Variants in ESRRG observed in about 807,000 individuals in gnomAD.
The protein encoded by ESRRG is estrogen-related receptor gamma.
Under a neutral mutation model 44.0 loss-of-function variants are expected in ESRRG, and 13 were observed. That is an observed-to-expected ratio of 0.30 (90% CI 0.19 to 0.47). The LOEUF (loss-of-function observed/expected upper bound fraction) is 0.47. ESRRG is among the 20% of genes least tolerant of loss of function. The pLI is 1.00. For synonymous variants in ESRRG, 215 were observed against 214.6 expected (o/e 1.00, Z -0.02); for missense variants, 395 against 580.6 (o/e 0.68, Z 3.29).
intron 2 of ESRRG, among the ~76,000 whole-genome samples, chr1:216,820,026 T>C (rs2095252047): frequency 6.6e-6 from 1 of 152,180 alleles, no homozygotes; most frequent in Non-Finnish European, 1.5e-5. Flanking sequence ...CATCATTCCA[T>C]TTAGGGGAGA....
chr1:216,918,429 T>C (rs2061443510), intron 2 of ESRRG, among the ~76,000 whole-genome samples: 1 of 152,162 alleles, frequency 6.6e-6, no homozygotes, highest in African/African-American at 2.4e-5. Context: ...GCCTGCTATG[T>C]GTTACCTATT....
chr1:216,687,124 A>G (rs1413879291), intron 1 of ESRRG, among the ~76,000 whole-genome samples: 3 of 152,028 alleles, frequency 2.0e-5, no homozygotes, highest in Non-Finnish European at 4.4e-5. Flanking sequence ...GCTACATAAC[A>G]ATGAAACTGC....
Position 216,520,662 on chromosome 1 carries a change from C to G in ESRRG, c.863-1241G>C, listed in dbSNP as rs141128937. On this transcript the variant is annotated intron_variant, in intron 5 of 6. Coordinates refer to ENST00000408911, the MANE Select transcript of ESRRG (RefSeq NM_001438.4). ...ATTTCCAAGTGTATGCCTAAGACTTCTAAGGGTAACCATCCACCTCATGGC... is the reference window on the plus strand; with the variant it reads ...ATTTCCAAGTGTATGCCTAAGACTTGTAAGGGTAACCATCCACCTCATGGC... 6.2e-3 allele frequency among the ~76,000 whole-genome samples: 943 copies of G among 152,244 alleles called. 9 individuals are homozygous for G. The highest frequency in any genetic ancestry group is 9.0e-3 in the Non-Finnish European group (609 of 68,000).
intron 2 of ESRRG, among the ~76,000 whole-genome samples, chr1:216,811,676 G>A (rs1430359509): frequency 3.3e-5 from 5 of 152,064 alleles, no homozygotes; most frequent in Non-Finnish European, 7.4e-5. Flanking sequence ...CTTACTACCG[G>A]AGAACATCAG....
intron 2 of ESRRG, among the ~76,000 whole-genome samples, chr1:216,814,012 C>A (rs908721976): frequency 6.6e-6 from 1 of 152,154 alleles, no homozygotes; most frequent in Non-Finnish European, 1.5e-5. Flanking sequence ...TTCCTGCCTG[C>A]AGCACCACTA....
intron 2 of ESRRG, among the ~76,000 whole-genome samples, chr1:216,769,342 G>A (rs931530468): frequency 4.6e-5 from 7 of 152,136 alleles, no homozygotes; most frequent in Non-Finnish European, 1.0e-4. Flanking sequence ...GTTTTCACAA[G>A]GTATTCCAGG....
At chr1:216,744,962 C>T (rs1247294177) in intron 2 of ESRRG, among the ~76,000 whole-genome samples, 2 of 152,120 alleles carry the variant, frequency 1.3e-5, no homozygotes, top group Admixed American at 1.3e-4. Flanking sequence ...CAAACTATTT[C>T]GATAGAGTAG....
At chr1:217,019,065 C>T (rs759783462) in intron 1 of ESRRG, among the ~76,000 whole-genome samples, 15 of 152,256 alleles carry the variant, frequency 9.9e-5, no homozygotes, top group Non-Finnish European at 1.2e-4. Context: ...CACTCACTAA[C>T]TTTAAAGTTG....
At chr1:216,782,265 G>C (rs2093962037) in intron 2 of ESRRG, among the ~76,000 whole-genome samples, 1 of 151,966 alleles carries the variant, frequency 6.6e-6, no homozygotes. Context: ...GGACAGATTT[G>C]CACTTGTTAC....
intron 3 of ESRRG, among the ~76,000 whole-genome samples, chr1:216,642,475 T>C (rs1251546441): frequency 1.3e-5 from 2 of 152,112 alleles, no homozygotes; most frequent in Middle Eastern, 3.2e-3. Flanking sequence ...CTTAAGTACA[T>C]TCCCAAATGG....
intron 2 of ESRRG, among the ~76,000 whole-genome samples, chr1:216,659,583 C>A (rs1192549494): frequency 5.3e-5 from 8 of 152,164 alleles, no homozygotes; most frequent in African/African-American, 1.9e-4. Flanking sequence ...ACTTCTACCC[C>A]ATCTCAAGCT....
Position 216,740,468 on chromosome 1 carries a change from AGAG to A in ESRRG, c.-13-62980_-13-62978del, listed in dbSNP as rs1296684933. Reference sequence around the variant, plus strand: ...TAATTTTACAAGAGAGCCCCAGAGAAGAGGAGAGCACAACACAAGCTTCCCACT... The same window carrying A: ...TAATTTTACAAGAGAGCCCCAGAGAAGAGAGCACAACACAAGCTTCCCACT... On this transcript the variant is annotated intron_variant, in intron 2 of 7. Coordinates refer to the ESRRG transcript ENST00000359162. 7.9e-5 allele frequency among the ~76,000 whole-genome samples: 12 copies of A among 152,214 alleles called. No individual in the cohort carries two copies. The South Asian group carries it at 2.5e-3, about 32-fold the overall frequency.
At chr1:216,753,860 G>A (rs747917369) in intron 2 of ESRRG, among the ~76,000 whole-genome samples, 6 of 151,892 alleles carry the variant, frequency 4.0e-5, no homozygotes, top group South Asian at 2.1e-4. Flanking sequence ...AAGAAGGACC[G>A]GGTGTGCATG....
intron 1 of ESRRG, among the ~76,000 whole-genome samples, chr1:217,100,127 T>A (rs2092487663): frequency 6.6e-6 from 1 of 152,234 alleles, no homozygotes; most frequent in Admixed American, 6.5e-5. Context: ...ACTTTAGTGA[T>A]CCTGAGATTG....
At chr1:216,730,528 G>A (rs1470085751) in intron 2 of ESRRG, among the ~76,000 whole-genome samples, 3 of 152,098 alleles carry the variant, frequency 2.0e-5, no homozygotes, top group Non-Finnish European at 4.4e-5. Context: ...TAATCTGTGA[G>A]CTGGGCTGGG....
At position 216,634,881 on chromosome 1, in the gene ESRRG, T is replaced by A. The variant is rs17043125; in HGVS notation, c.589+16092A>T. On this transcript the variant is annotated intron_variant, in intron 3 of 6. Coordinates refer to ENST00000408911, the MANE Select transcript of ESRRG (RefSeq NM_001438.4). Reference sequence around the variant, plus strand: ...ATACAGAAAAAGAACAGAAAGTGTGTTAAAGAATCCAAGTTTTAAGGGGAA... The same window carrying A: ...ATACAGAAAAAGAACAGAAAGTGTGATAAAGAATCCAAGTTTTAAGGGGAA... Among the ~76,000 whole-genome samples, 839 of 152,338 alleles carry A rather than the reference T, an allele frequency of 5.5e-3. 18 individuals are homozygous for A. Among genetic ancestry groups the A allele is most frequent in the East Asian group, 0.03 (158 of 5,182 alleles).
intron 1 of ESRRG, among the ~76,000 whole-genome samples, chr1:217,042,355 T>C (rs1455496462): frequency 1.3e-5 from 2 of 152,198 alleles, no homozygotes; most frequent in East Asian, 3.9e-4. Flanking sequence ...ATTTCTTTGA[T>C]TCCCAAGAAT....
intron 1 of ESRRG, among the ~76,000 whole-genome samples, chr1:217,106,388 A>G (rs918861543): frequency 1.5e-5 from 2 of 135,460 alleles, no homozygotes; most frequent in African/African-American, 3.1e-5. Context: ...ACACACTCAC[A>G]TATGCACACA....
intron 1 of ESRRG, among the ~76,000 whole-genome samples, chr1:216,967,231 C>A (rs185134292): frequency 2.6e-5 from 4 of 152,208 alleles, no homozygotes; most frequent in Admixed American, 2.0e-4. Context: ...AATGAACTTA[C>A]ATTGACACAG....
Sources: gnomAD v4.1 joint callset for allele counts (sites outside exome capture counted in the v4.1 genomes callset) on GRCh38, gnomAD v4.1.1 for gene constraint, MANE v1.5 for transcripts, NCBI Gene and HGNC (gene_info 2026-07-23, HGNC 2026-07-21) for gene names.